The following APBA2 variants were observed in gnomAD, a reference collection of about 807,000 sequenced individuals.
APBA2 encodes the protein amyloid-beta A4 precursor protein-binding family A member 2.
A neutral mutation model predicts 75.0 loss-of-function variants in APBA2; 30 were observed. That is an observed-to-expected ratio of 0.40 (90% CI 0.30 to 0.54). APBA2 has a LOEUF of 0.54. Among genes scored for constraint, APBA2 ranks in the 20% least tolerant of loss-of-function variants. APBA2 has a pLI of 0.49. For missense variants in APBA2, 801 were observed against 1,016.1 expected (o/e 0.79, Z 2.88); for synonymous variants, 444 against 409.6 (o/e 1.08, Z -1.01).
chr15:29,091,368 A>G (rs979588117), intron 6 of APBA2, among the ~76,000 whole-genome samples: 1 of 152,122 alleles, frequency 6.6e-6, no homozygotes, highest in Non-Finnish European at 1.5e-5. Flanking sequence ...GAAAGCAGGA[A>G]GGAGGGCCAA....
chr15:29,042,301 C>T (rs1034170581), intron 3 of APBA2, among the ~76,000 whole-genome samples: 2 of 152,158 alleles, frequency 1.3e-5, no homozygotes, highest in African/African-American at 4.8e-5. Context: ...TTCTTTCTTT[C>T]CTCACTGTGT....
intron 2 of APBA2, among the ~76,000 whole-genome samples, chr15:28,942,852 C>T (rs1164414231): frequency 6.6e-6 from 1 of 152,198 alleles, no homozygotes; most frequent in East Asian, 1.9e-4. Flanking sequence ...GGGCTTCTCC[C>T]CGGGCTGGGC....
At chr15:29,071,229 G>A in intron 4 of APBA2, 1 of 365,958 alleles carries the variant, frequency 2.7e-6, no homozygotes, top group Non-Finnish European at 5.4e-6. Flanking sequence ...TTCACCACCT[G>A]GAGCCAAGGT....
rs551122444 is a variant in APBA2, at chr15:28,905,196, C to T, written c.-204-16444C>T. Reference sequence around the variant, plus strand: ...TCCAAGGAAAAGCTGCTGAATTCTGCGGCCCCAGGAGGATCTTTGTCCTCC... The same window carrying T: ...TCCAAGGAAAAGCTGCTGAATTCTGTGGCCCCAGGAGGATCTTTGTCCTCC... On this transcript the variant is annotated intron_variant, in intron 1 of 14. Coordinates refer to ENST00000683413, the MANE Select transcript of APBA2 (RefSeq NM_001353788.2). Among the ~76,000 whole-genome samples the T allele has an allele frequency of 6.3e-4, 96 of 152,208 alleles. 1 individual carries two copies. In the South Asian group the frequency reaches 0.018, roughly 28 times the overall value.
At chr15:28,971,096 T>G (rs1268796536) in intron 2 of APBA2, among the ~76,000 whole-genome samples, 3 of 152,194 alleles carry the variant, frequency 2.0e-5, no homozygotes, top group Non-Finnish European at 4.4e-5. Context: ...TTTCATTTCA[T>G]TTTATGTCAC....
chr15:29,060,854 C>T (rs1321658915), intron 4 of APBA2, among the ~76,000 whole-genome samples: 1 of 152,032 alleles, frequency 6.6e-6, no homozygotes, highest in African/African-American at 2.4e-5. Flanking sequence ...ATTGTGTGAC[C>T]TGATGGAATT....
chr15:29,061,036 A>T (rs2042109029), intron 4 of APBA2, among the ~76,000 whole-genome samples: 1 of 152,126 alleles, frequency 6.6e-6, no homozygotes, highest in Non-Finnish European at 1.5e-5. Context: ...TTTGCTCATC[A>T]GTGCTTTCCC....
At chr15:28,948,349 C>T (rs2035660893) in intron 2 of APBA2, among the ~76,000 whole-genome samples, 1 of 151,434 alleles carries the variant, frequency 6.6e-6, no homozygotes, top group Admixed American at 6.6e-5. Flanking sequence ...TCCTTCTTCC[C>T]TTTGGCCACT....
At chr15:29,076,214 G>T in intron 6 of APBA2, 123 bp downstream of exon 6, 1 of 1,065,440 alleles carries the variant, frequency 9.4e-7, no homozygotes. Context: ...CTACCAGCAA[G>T]GTGCTTGGCC....
At chr15:29,091,901 G>A (rs1323520480) in intron 6 of APBA2, among the ~76,000 whole-genome samples, 1 of 152,186 alleles carries the variant, frequency 6.6e-6, no homozygotes, top group Admixed American at 6.5e-5. Context: ...GGGGCCAGCT[G>A]GAGCAGGAGG....
At chr15:28,989,473 G>A (rs567466467) in intron 2 of APBA2, among the ~76,000 whole-genome samples, 1 of 152,272 alleles carries the variant, frequency 6.6e-6, no homozygotes, top group South Asian at 2.1e-4. Context: ...GTGGCCACAC[G>A]GGGCTGTATG....
At position 29,076,052 on chromosome 15, in the gene APBA2, CAG is replaced by C; in HGVS notation, c.1033-1_1033del. The C allele has an allele frequency of 3.1e-6, 5 of 1,614,004 alleles. No homozygotes were observed. Among genetic ancestry groups the C allele is most frequent in the Non-Finnish European group, 4.2e-6 (5 of 1,179,852 alleles). On this transcript the variant is annotated splice_acceptor_variant, in intron 5 of 14. Coordinates refer to ENST00000683413, the MANE Select transcript of APBA2 (RefSeq NM_001353788.2). LOFTEE classifies it high-confidence loss of function. ...TGTTTTATTTTTCCATATTTCCTAA[CAG>C]ACAAAGAAGGTGGCATCATTTCCAA... is the stretch of plus-strand genomic sequence containing the variant.
At chr15:29,111,497 G>A (rs1255156841) in intron 13 of APBA2, among the ~76,000 whole-genome samples, 8 of 152,138 alleles carry the variant, frequency 5.3e-5, no homozygotes, top group African/African-American at 1.9e-4. Flanking sequence ...AATAGGCATG[G>A]TTATGATCCA....
chr15:28,966,160 A>T (rs907740459), intron 2 of APBA2, among the ~76,000 whole-genome samples: 1 of 152,166 alleles, frequency 6.6e-6, no homozygotes, highest in African/African-American at 2.4e-5. Flanking sequence ...ATTGAAAAGA[A>T]TGTGTATTCT....
chr15:29,093,432 C>G (rs1369076199), intron 7 of APBA2, among the ~76,000 whole-genome samples: 1 of 152,222 alleles, frequency 6.6e-6, no homozygotes, highest in Non-Finnish European at 1.5e-5. Flanking sequence ...AGCTCCTTAA[C>G]AAGAGGCCCA....
Position 28,950,273 on chromosome 15 carries a change from C to T in APBA2, c.-95+28524C>T, listed in dbSNP as rs368293214. On this transcript the variant is annotated intron_variant, in intron 2 of 14. Coordinates refer to ENST00000683413, the MANE Select transcript of APBA2 (RefSeq NM_001353788.2). ...TGCATGATATCAATATGACTCATAA[C>T]TATCGATGTTGACCCCGATCAGCTG... 7.9e-5 allele frequency among the ~76,000 whole-genome samples: 12 copies of T among 152,278 alleles called. 1 individual carries two copies. In the South Asian group the frequency reaches 2.3e-3, roughly 29 times the overall value.
intron 12 of APBA2, among the ~76,000 whole-genome samples, chr15:29,107,697 T>G (rs2044500298): frequency 6.6e-6 from 1 of 151,974 alleles, no homozygotes; most frequent in Admixed American, 6.5e-5. Context: ...GGGCTGCAGC[T>G]CCCAGGTGGA....
At chr15:29,063,443 G>A (rs113991084) in intron 4 of APBA2, among the ~76,000 whole-genome samples, 144 of 129,914 alleles carry the variant, frequency 1.1e-3, no homozygotes, top group African/African-American at 4.1e-3. Flanking sequence ...AGTTGATCTG[G>A]TCAGTGTCTG....
intron 4 of APBA2, among the ~76,000 whole-genome samples, chr15:29,057,294 T>C (rs533506147): frequency 6.6e-6 from 1 of 152,308 alleles, no homozygotes; most frequent in South Asian, 2.1e-4. Flanking sequence ...GATGCCACAT[T>C]CCAGCTGTGA....
Sources: allele counts gnomAD v4.1 joint callset (sites outside exome capture counted in the v4.1 genomes callset), GRCh38; gene constraint gnomAD v4.1.1; transcripts MANE v1.5; gene names NCBI Gene and HGNC (gene_info 2026-07-23, HGNC 2026-07-21).